Variants in NAV3 observed in about 807,000 individuals in gnomAD.
The protein encoded by NAV3 is pore membrane and/or filament interacting like protein 1.
NAV3 carries 87 observed loss-of-function variants against 244.7 expected under a neutral mutation model. The ratio of observed to expected loss-of-function variants is 0.36; its 90% confidence interval spans 0.30 to 0.42. The LOEUF (loss-of-function observed/expected upper bound fraction) is 0.42. NAV3 is among the 20% of genes least tolerant of loss of function. The pLI, the probability that NAV3 is intolerant of heterozygous loss-of-function variation, is 1.00. For missense variants in NAV3, 2,663 were observed against 2,893.3 expected (o/e 0.92, Z 1.83); for synonymous variants, 1,126 against 1,042.2 (o/e 1.08, Z -1.55).
chr12:78,136,448 A>C (rs768618475), intron 18 of NAV3, among the ~76,000 whole-genome samples: 2 of 152,204 alleles, frequency 1.3e-5, no homozygotes, highest in Non-Finnish European at 2.9e-5. Context: ...AGCAATAAGA[A>C]AATAAATTGT....
At chr12:77,967,951 G>T in intron 4 of NAV3, among the ~76,000 whole-genome samples, 1 of 152,110 alleles carries the variant, frequency 6.6e-6, no homozygotes, top group Non-Finnish European at 1.5e-5. Flanking sequence ...GATATATATG[G>T]ATATATATTT....
intron 3 of NAV3, chr12:77,950,505 C>A (rs1357944946): frequency 6.6e-6 from 1 of 151,810 alleles, no homozygotes; most frequent in East Asian, 1.9e-4. Flanking sequence ...TTTTAAAAAC[C>A]AGATTCAATG....
At chr12:78,191,474 T>G (rs540032112) in intron 34 of NAV3, among the ~76,000 whole-genome samples, 4 of 152,254 alleles carry the variant, frequency 2.6e-5, no homozygotes, top group Admixed American at 1.3e-4. Context: ...CACACATCTT[T>G]GTTCAAAACC....
At chr12:77,869,650 C>G (rs930184155) in intron 1 of NAV3, among the ~76,000 whole-genome samples, 1 of 152,194 alleles carries the variant, frequency 6.6e-6, no homozygotes, top group African/African-American at 2.4e-5. Flanking sequence ...GCTTCCATGA[C>G]TCCTTGTCCC....
chr12:77,921,394 A>T (rs1351307538), intron 1 of NAV3, among the ~76,000 whole-genome samples: 1 of 152,130 alleles, frequency 6.6e-6, no homozygotes, highest in Non-Finnish European at 1.5e-5. Flanking sequence ...AACAAGGATT[A>T]GCCAAGGTAG....
intron 1 of NAV3, among the ~76,000 whole-genome samples, chr12:77,936,666 T>C (rs1363302529): frequency 6.6e-6 from 1 of 152,212 alleles, no homozygotes; most frequent in Non-Finnish European, 1.5e-5. Flanking sequence ...CTGTGATTAT[T>C]ATTTTTGTGA....
At chr12:77,592,398 G>T (rs967510152) in intron 2 of NAV3, among the ~76,000 whole-genome samples, 1 of 152,158 alleles carries the variant, frequency 6.6e-6, no homozygotes, top group African/African-American at 2.4e-5. Flanking sequence ...GTTCAGAATA[G>T]GAGAATGGTC....
chr12:78,137,910 A>G (rs751072041), intron 19 of NAV3, among the ~76,000 whole-genome samples: 8 of 152,188 alleles, frequency 5.3e-5, no homozygotes, highest in Non-Finnish European at 1.0e-4. Context: ...ATAGTTATAT[A>G]GTTCTATGTA....
At chr12:78,026,228 T>A (rs905897002) in intron 9 of NAV3, among the ~76,000 whole-genome samples, 1 of 152,148 alleles carries the variant, frequency 6.6e-6, no homozygotes, top group Non-Finnish European at 1.5e-5. Context: ...CTGCACTAGT[T>A]CTCTCCCCGG....
At chr12:77,982,597 G>A (rs1472172001) in intron 5 of NAV3, among the ~76,000 whole-genome samples, 1 of 152,064 alleles carries the variant, frequency 6.6e-6, no homozygotes, top group African/African-American at 2.4e-5. Flanking sequence ...ATGGGTTCTG[G>A]GTATCTATTG....
chr12:77,808,467 A>G (rs550800745), intron 2 of NAV3, among the ~76,000 whole-genome samples: 11 of 152,264 alleles, frequency 7.2e-5, no homozygotes, highest in African/African-American at 2.6e-4. Context: ...CTGGAGGTCC[A>G]CTGCAGACCC....
At chr12:77,643,182 T>C (rs553102004) in intron 2 of NAV3, among the ~76,000 whole-genome samples, 4 of 152,154 alleles carry the variant, frequency 2.6e-5, no homozygotes, top group Non-Finnish European at 5.9e-5. Context: ...GTATACAGAA[T>C]TGTTTTACTT....
At chr12:77,887,059 C>T (rs963822133) in intron 1 of NAV3, among the ~76,000 whole-genome samples, 11 of 152,072 alleles carry the variant, frequency 7.2e-5, no homozygotes, top group East Asian at 1.9e-4. Flanking sequence ...ATTGACCTTG[C>T]GTTAGAGAAG....
intron 2 of NAV3, among the ~76,000 whole-genome samples, chr12:77,772,234 C>A (rs937436692): frequency 2.6e-5 from 4 of 152,120 alleles, no homozygotes; most frequent in African/African-American, 9.7e-5. Flanking sequence ...TTCTATGGCA[C>A]ACTGATTCTG....
chr12:78,092,202 TG>T (rs1953981539), intron 12 of NAV3, among the ~76,000 whole-genome samples: 1 of 152,122 alleles, frequency 6.6e-6, no homozygotes, highest in Admixed American at 6.6e-5. Context: ...CTGTGGAAAT[TG>T]GGGGAAATGC....
intron 1 of NAV3, among the ~76,000 whole-genome samples, chr12:77,933,760 C>T (rs980315913): frequency 6.6e-6 from 1 of 152,164 alleles, no homozygotes; most frequent in Non-Finnish European, 1.5e-5. Flanking sequence ...TGAGATTGGA[C>T]TCATTCACAG....
At chr12:77,666,717 T>C (rs965979550) in intron 2 of NAV3, among the ~76,000 whole-genome samples, 3 of 152,194 alleles carry the variant, frequency 2.0e-5, no homozygotes, top group Non-Finnish European at 2.9e-5. Context: ...TAATCTAGAA[T>C]TTTTCTTTGA....
intron 2 of NAV3, among the ~76,000 whole-genome samples, chr12:77,688,373 C>A (rs182026728): frequency 6.6e-6 from 1 of 152,076 alleles, no homozygotes; most frequent in African/African-American, 2.4e-5. Context: ...CCACTTCTTT[C>A]TTAATATTTT....
Position 78,137,428 on chromosome 12 carries a change from G to A in NAV3, c.4630+63G>A. On this transcript the variant is annotated intron_variant, in intron 19 of 39. Transcript: ENST00000397909. ...TTTAAACCCTGAGAGGGAAACCATT[G>A]TGTCACTCACATCACAAAGATTCCT... 10 of 1,431,528 alleles carry A rather than the reference G, an allele frequency of 7.0e-6. No individual in the cohort carries two copies. In the South Asian group the frequency reaches 7.1e-5, roughly 10 times the overall value. The allele number at this position is 1,431,528 out of a possible 1,614,324, so 88.7% of individuals were successfully genotyped here.
Sources: allele counts gnomAD v4.1 joint callset (sites outside exome capture counted in the v4.1 genomes callset), GRCh38; gene constraint gnomAD v4.1.1; transcripts MANE v1.5; gene names NCBI Gene and HGNC (gene_info 2026-07-23, HGNC 2026-07-21).